The following PPP2CA variants were observed in gnomAD, a reference collection of about 807,000 sequenced individuals.
PPP2CA encodes the protein serine/threonine-protein phosphatase 2A catalytic subunit alpha isoform.
Under a neutral mutation model 38.8 loss-of-function variants are expected in PPP2CA, and 5 were observed. The observed-to-expected ratio is 0.13, with a 90% confidence interval of 0.07 to 0.27. The LOEUF is 0.27. Ranked by LOEUF, PPP2CA falls within the 10% of genes least tolerant of loss-of-function variation. PPP2CA has a pLI of 1.00. For synonymous variants in PPP2CA, 152 were observed against 134.0 expected, an observed-to-expected ratio of 1.13 and a Z score of -0.93; for missense variants, 88 against 389.7, an observed-to-expected ratio of 0.23 and a Z score of 6.52.
At chr5:134,223,262 G>A (rs1335333753) in intron 1 of PPP2CA, among the ~76,000 whole-genome samples, 6 of 152,040 alleles carry the variant, frequency 3.9e-5, no homozygotes, top group African/African-American at 1.4e-4. Flanking sequence ...ACACCAAAAA[G>A]CACATATGTA....
rs545680437 is a variant in PPP2CA at position 134,206,637 on chromosome 5, C to A, written c.103-506G>T. ...CTCAGTAGTGGGGACCACAGGCACA[C>A]GCCACCATGGCTGGCTAATTTTCAC... On this transcript the variant is annotated intron_variant, in intron 1 of 6. Coordinates refer to ENST00000481195, the MANE Select transcript of PPP2CA (RefSeq NM_002715.4). Among the ~76,000 whole-genome samples, 12 of 152,290 alleles carry A rather than the reference C, an allele frequency of 7.9e-5. No homozygotes were observed. The East Asian group carries it at 2.3e-3, about 29-fold the overall frequency.
At chr5:134,220,654 T>C (rs1052458959) in intron 1 of PPP2CA, among the ~76,000 whole-genome samples, 1 of 152,090 alleles carries the variant, frequency 6.6e-6, no homozygotes, top group Non-Finnish European at 1.5e-5. Flanking sequence ...GCCTCTCTCC[T>C]CAGTACCCTG....
chr5:134,215,100 T>C (rs1399856612), intron 1 of PPP2CA, among the ~76,000 whole-genome samples: 2 of 140,136 alleles, frequency 1.4e-5, no homozygotes, highest in African/African-American at 5.8e-5. Flanking sequence ...TTATTTACTT[T>C]TTTTTTTTTT....
rs144804110 is a variant in PPP2CA at position 134,198,609 on chromosome 5, A to T, written c.857+477T>A. The stretch of plus-strand genomic sequence containing the variant: ...GAGACGAAGTCTCGCTCTGTTGCCC[A>T]GGCTGGAACGCAGTGGCGCGATCTT... On this transcript the variant is annotated intron_variant, in intron 6 of 6. Coordinates refer to ENST00000481195, the MANE Select transcript of PPP2CA (RefSeq NM_002715.4). 2.6e-4 allele frequency among the ~76,000 whole-genome samples: 39 copies of T among 152,108 alleles called. No homozygotes were observed. In the East Asian group the frequency reaches 7.0e-3, roughly 27 times the overall value.
intron 1 of PPP2CA, among the ~76,000 whole-genome samples, chr5:134,209,490 G>A (rs920217114): frequency 6.6e-6 from 1 of 152,176 alleles, no homozygotes; most frequent in East Asian, 1.9e-4. Context: ...AGATCATTTT[G>A]GGCTGGGTGC....
At chr5:134,212,033 T>C (rs1181735125) in intron 1 of PPP2CA, among the ~76,000 whole-genome samples, 2 of 152,074 alleles carry the variant, frequency 1.3e-5, no homozygotes, top group Non-Finnish European at 2.9e-5. Flanking sequence ...GGTAGGAGAA[T>C]CACTTGAACC....
intron 1 of PPP2CA, 103 bp from the exon 2 acceptor site, chr5:134,206,234 C>A: frequency 1.0e-6 from 1 of 989,286 alleles, no homozygotes; most frequent in South Asian, 1.6e-5. Flanking sequence ...CAGACTCAGT[C>A]TAAGATAAAA....
At chr5:134,220,939 C>T (rs1200178276) in intron 1 of PPP2CA, among the ~76,000 whole-genome samples, 1 of 152,182 alleles carries the variant, frequency 6.6e-6, no homozygotes, top group Non-Finnish European at 1.5e-5. Flanking sequence ...CAGTGGAGAA[C>T]GTAGGGAGGG....
intron 6 of PPP2CA, among the ~76,000 whole-genome samples, chr5:134,198,348 G>C (rs965035448): frequency 6.6e-6 from 1 of 151,708 alleles, no homozygotes; most frequent in South Asian, 2.1e-4. Context: ...AGCCAAGATC[G>C]CACCACTGCA....
At chr5:134,221,041 GCC>G (rs373027244) in intron 1 of PPP2CA, among the ~76,000 whole-genome samples, 138 of 152,258 alleles carry the variant, frequency 9.1e-4, no homozygotes, top group Middle Eastern at 3.4e-3. Context: ...ACAGCTTCCT[GCC>G]TAGGAGACCA....
chr5:134,209,480 A>G (rs1762155768), intron 1 of PPP2CA, among the ~76,000 whole-genome samples: 1 of 152,208 alleles, frequency 6.6e-6, no homozygotes, highest in Admixed American at 6.5e-5. Flanking sequence ...TTCATATAAA[A>G]GATCATTTTG....
rs201478092 is a variant in PPP2CA, at chr5:134,200,380, G to T, written c.693C>A (p.Ala231=). The T allele has an allele frequency of 3.1e-6, 5 of 1,614,074 alleles. No homozygotes were observed. The Admixed American group carries it at 6.7e-5, about 22-fold the overall frequency. The change falls in exon 5 of 7, where the codon GCC becomes GCA. Residue 231 remains alanine, a synonymous_variant. Coordinates refer to ENST00000481195, the MANE Select transcript of PPP2CA (RefSeq NM_002715.4). ...GQDISETFNH[A]NGLTLVSRAH... Reference sequence around the variant, plus strand: ...CTCTAGACACCAACGTGAGGCCATTGGCATGATTAAATGTCTCAGAAATAT... The same window carrying T: ...CTCTAGACACCAACGTGAGGCCATTTGCATGATTAAATGTCTCAGAAATAT...
chr5:134,199,313 G>C, intron 5 of PPP2CA, 109 bp from the exon 6 acceptor site: 2 of 777,710 alleles, frequency 2.6e-6, no homozygotes, highest in South Asian at 3.4e-5. Flanking sequence ...CTGCCAAAGG[G>C]GCTTAAGAAA....
chr5:134,225,673 T>A lies in PPP2CA; in HGVS notation c.102+87A>T. 7 of 1,239,962 alleles carry A rather than the reference T, an allele frequency of 5.6e-6. No homozygotes were observed. The Admixed American group carries it at 6.8e-5, about 12-fold the overall frequency. The allele number at this position is 1,239,962 out of a possible 1,614,324, so 76.8% of individuals were successfully genotyped here. On this transcript the variant is annotated intron_variant, in intron 1 of 6. Transcript: ENST00000481195. The stretch of plus-strand genomic sequence containing the variant: ...ACTCGGGGGGCCCGGACCGGCGGCC[T>A]CCGCCATGTTGCACCCTCCTCACGG...
At chr5:134,201,757 G>C (rs1323543566) in intron 3 of PPP2CA, 91 bp downstream of exon 3, 1 of 1,327,722 alleles carries the variant, frequency 7.5e-7, no homozygotes, top group Non-Finnish European at 1.0e-6. Flanking sequence ...TCCCCAAAGG[G>C]GTGTTAAGAG....
chr5:134,201,879 T>C lies in PPP2CA; in HGVS notation c.455A>G (p.Tyr152Cys). 1.2e-6 allele frequency: 2 copies of C among 1,613,832 alleles called. No homozygotes were observed. The highest frequency in any genetic ancestry group is 1.7e-6 in the Non-Finnish European group (2 of 1,179,876). Residue 152 changes from tyrosine to cysteine, a missense_variant, in exon 3 of 7, where the codon TAT (tyrosine) becomes TGT (cysteine). Transcript: ENST00000481195. ...VWKYFTDLFD[Y>C]LPLTALVDGQ... ...ATCCACCAAGGCAGTGAGAGGAAGA[T>C]AGTCAAAAAGATCTGTAAAATATTT...
chr5:134,207,124 C>G (rs916425666), intron 1 of PPP2CA, among the ~76,000 whole-genome samples: 1 of 152,206 alleles, frequency 6.6e-6, no homozygotes, highest in African/African-American at 2.4e-5. Context: ...CAATGCCCAG[C>G]CAGGCGCGGT....
chr5:134,218,163 C>T (rs898201546), intron 1 of PPP2CA, among the ~76,000 whole-genome samples: 5 of 151,748 alleles, frequency 3.3e-5, no homozygotes, highest in East Asian at 1.9e-4. Context: ...TAATATTTCA[C>T]GAAACATTTC....
intron 1 of PPP2CA, among the ~76,000 whole-genome samples, chr5:134,210,409 G>T (rs1222301952): frequency 6.6e-6 from 1 of 152,112 alleles, no homozygotes; most frequent in Non-Finnish European, 1.5e-5. Context: ...CATATCACCT[G>T]AATTAAGAAC....
Sources: allele counts gnomAD v4.1 joint callset (sites outside exome capture counted in the v4.1 genomes callset), GRCh38; gene constraint gnomAD v4.1.1; transcripts MANE v1.5; gene names NCBI Gene and HGNC (gene_info 2026-07-23, HGNC 2026-07-21).